LAMC2: variants seen among roughly 807,000 people sequenced by gnomAD.
LAMC2 encodes laminin subunit gamma-2.
In LAMC2, 97 loss-of-function variants were observed where a neutral mutation model predicts 140.2. The ratio of observed to expected loss-of-function variants is 0.69; its 90% CI spans 0.59 to 0.82. The LOEUF (loss-of-function observed/expected upper bound fraction) is 0.82, where lower values mean the gene tolerates loss of function less well. Among genes scored for constraint, LAMC2 ranks in the 40% least tolerant of loss-of-function variants. The probability of loss-of-function intolerance (pLI) is 0.00; values close to 1 mark genes in which losing one functional copy is unlikely to be tolerated. For synonymous variants in LAMC2, 513 were observed against 540.2 expected, an observed-to-expected ratio of 0.95 and a Z score of 0.70; for missense variants, 1,402 against 1,476.1, an observed-to-expected ratio of 0.95 and a Z score of 0.82.
intron 4 of LAMC2, 130 bp from the exon 5 acceptor site, chr1:183,220,695 G>A (rs1458778192): frequency 8.7e-6 from 8 of 924,180 alleles, no homozygotes; most frequent in Non-Finnish European, 1.4e-5. Flanking sequence ...GCAAAATCTG[G>A]TATTTCCCTC....
intron 22 of LAMC2, 110 bp downstream of exon 22, chr1:183,240,501 A>C: frequency 1.3e-6 from 2 of 1,506,832 alleles, no homozygotes; most frequent in Non-Finnish European, 1.8e-6. Context: ...TTCCTTAAGG[A>C]TATCAGTAAA....
chr1:183,201,478 C>T (rs1280214357), intron 1 of LAMC2, among the ~76,000 whole-genome samples: 1 of 152,202 alleles, frequency 6.6e-6, no homozygotes, highest in Non-Finnish European at 1.5e-5. Flanking sequence ...CCCTCCCTAA[C>T]TCCATTTCCC....
rs73049785 is a variant in LAMC2, at chr1:183,235,869, G to T, written c.2456+139G>T. 0.061 allele frequency: 49,875 copies of T among 821,430 alleles called. 2,876 individuals carry two copies. The highest frequency in any genetic ancestry group is 0.23 in the African/African-American group (13,351 of 57,754). The allele number at this position is 821,430 out of a possible 1,614,324, so 50.9% of individuals were successfully genotyped here. A position where few individuals can be genotyped will look rare whatever the true frequency, so the allele number is the denominator to read the frequency against. On this transcript the variant is annotated intron_variant, in intron 16 of 22. Transcript: ENST00000264144. ...TAATAAGAGGGCCGAAATCATGGGAGTTTTACTTTGGGGAAAAGCAGATAT... is the reference window on the plus strand; with the variant it reads ...TAATAAGAGGGCCGAAATCATGGGATTTTTACTTTGGGGAAAAGCAGATAT...
chr1:183,222,042 G>C, intron 5 of LAMC2, 47 bp from the exon 6 acceptor site: 3 of 1,613,332 alleles, frequency 1.9e-6, no homozygotes, highest in Non-Finnish European at 2.5e-6. Context: ...TAACTTAATA[G>C]ATGATGAGGG....
In LAMC2 at chr1:183,228,746, C is replaced by A; in HGVS notation, c.1714+127C>A. The A allele has an allele frequency of 7.8e-7, 1 of 1,278,210 alleles. No homozygotes were observed. The highest frequency in any genetic ancestry group is 1.1e-6 in the Non-Finnish European group (1 of 892,256). 79.2% of individuals were successfully genotyped at this position (1,278,210 alleles called of 1,614,324 possible). On this transcript the variant is annotated intron_variant, in intron 11 of 22. Transcript: ENST00000264144. This position sits in a 1 kb window ranked among gnomAD's most constrained non-coding sequence, Gnocchi z 4.3. ...ACTTTGATTCTCTGACCAAACTGGC[C>A]TGTGAGCACCCTGGGCCTTTCTTCC...
In LAMC2 at chr1:183,186,418, C is replaced by T; in HGVS notation, c.66C>T (p.Thr22=). 1 of 1,604,918 alleles carries T rather than the reference C, an allele frequency of 6.2e-7. No homozygotes were observed. The highest frequency in any genetic ancestry group is 8.5e-7 in the Non-Finnish European group (1 of 1,179,726). Residue 22 remains threonine, a synonymous_variant, in exon 1 of 23, where the codon ACC becomes ACT. Transcript: ENST00000264144. ...TCCTCCTGCCCGCAGCCCGGGCCAC[C>T]TCCAGGAGGGAAGGTGAGTCGGCTT... The part of the protein sequence containing the change: ...FSLLLPAARA[T]SRREVCDCNG...
chr1:183,227,698 G>A lies in LAMC2; in HGVS notation c.1468+1G>A. The A allele has an allele frequency of 6.2e-7, 1 of 1,614,030 alleles. No individual in the cohort carries two copies. Among genetic ancestry groups the A allele is most frequent in the Non-Finnish European group, 8.5e-7 (1 of 1,179,926 alleles). On this transcript the variant is annotated splice_donor_variant, in intron 10 of 22. Coordinates refer to ENST00000264144, the MANE Select transcript of LAMC2 (RefSeq NM_005562.3). LOFTEE classifies it high-confidence loss of function. Reference sequence around the variant, plus strand: ...AATAACTGCCCTCCCGGGGTCACCGGTAAGGCCATGGGTCTGCTCTGCCAC... The same window carrying A: ...AATAACTGCCCTCCCGGGGTCACCGATAAGGCCATGGGTCTGCTCTGCCAC...
intron 20 of LAMC2, 31 bp downstream of exon 20, chr1:183,239,594 C>A: frequency 6.5e-7 from 1 of 1,549,140 alleles, no homozygotes; most frequent in Non-Finnish European, 8.9e-7. Context: ...GTGTTGGTGC[C>A]AGTAGCACCA....
intron 1 of LAMC2, among the ~76,000 whole-genome samples, chr1:183,197,281 CT>C (rs1311504828): frequency 6.6e-6 from 1 of 152,170 alleles, no homozygotes; most frequent in African/African-American, 2.4e-5. Context: ...GATGGAGAAC[CT>C]GTAAGGATAG....
chr1:183,256,580 A>G, the LAMC2 span, among the ~76,000 whole-genome samples: 31 of 152,236 alleles, frequency 2.0e-4, no homozygotes, highest in South Asian at 1.4e-3. Context: ...CTTTCAGTCT[A>G]TTTATGTGAT....
rs771979232 is a variant in LAMC2 at position 183,228,576 on chromosome 1, C to T, written c.1671C>T (p.Tyr557=). The part of the protein sequence containing the change: ...GIYCDQCKAG[Y]FGDPLAPNPA... Reference sequence around the variant, plus strand: ...ACTGCGACCAGTGCAAAGCAGGCTACTTCGGGGACCCATTGGCTCCCAACC... The same window carrying T: ...ACTGCGACCAGTGCAAAGCAGGCTATTTCGGGGACCCATTGGCTCCCAACC... The change falls in exon 11 of 23, where the codon TAC becomes TAT. Residue 557 remains tyrosine, a synonymous_variant. Coordinates refer to ENST00000264144, the MANE Select transcript of LAMC2 (RefSeq NM_005562.3). This position sits in a 1 kb window ranked among gnomAD's most constrained non-coding sequence, Gnocchi z 4.3. 1 of 1,614,100 alleles carries T rather than the reference C, an allele frequency of 6.2e-7. No individual in the cohort carries two copies. Among genetic ancestry groups the T allele is most frequent in the Admixed American group, 1.7e-5 (1 of 60,024 alleles).
intron 22 of LAMC2, among the ~76,000 whole-genome samples, chr1:183,241,937 A>G (rs547194132): frequency 1.4e-4 from 21 of 152,300 alleles, no homozygotes; most frequent in Admixed American, 9.8e-4. Flanking sequence ...GATGGAAGCT[A>G]TTAAACATTT....
chr1:183,258,597 G>T, the LAMC2 span, among the ~76,000 whole-genome samples: 1 of 152,140 alleles, frequency 6.6e-6, no homozygotes, highest in Non-Finnish European at 1.5e-5. Context: ...GGACTAGATT[G>T]ACTTTGTAGG....
chr1:183,206,529 C>T (rs946044272), intron 1 of LAMC2, among the ~76,000 whole-genome samples: 4 of 151,954 alleles, frequency 2.6e-5, no homozygotes, highest in African/African-American at 9.7e-5. Flanking sequence ...CCTATAATCC[C>T]AGCTACTTGG....
chr1:183,243,082 CG>C (rs1660169341), intron 22 of LAMC2, 64 bp from the exon 23 acceptor site: 1 of 1,581,542 alleles, frequency 6.3e-7, no homozygotes, highest in African/African-American at 1.3e-5. Flanking sequence ...TAGAAGGGCA[CG>C]GGTGTTCAAG....
chr1:183,227,359 T>G (rs746388003), intron 9 of LAMC2, among the ~76,000 whole-genome samples, 156 bp from the exon 10 acceptor site: 1 of 152,146 alleles, frequency 6.6e-6, no homozygotes, highest in Non-Finnish European at 1.5e-5. Flanking sequence ...TGTTTAGATT[T>G]GGTTCTATGG....
At chr1:183,231,500 C>T (rs1240003707) in intron 12 of LAMC2, among the ~76,000 whole-genome samples, 1 of 152,142 alleles carries the variant, frequency 6.6e-6, no homozygotes, top group Non-Finnish European at 1.5e-5. Flanking sequence ...CAGGGCTCTT[C>T]CCACTATAAT....
rs925602542 is a variant in LAMC2 at position 183,222,973 on chromosome 1, C to T, written c.764-162C>T. ...AACCCTCCTTCATAGCCCAAAGTGT[C>T]ATAGCCATGTCCAGTACCAGGTCCT... On this transcript the variant is annotated intron_variant, in intron 6 of 22. Coordinates refer to ENST00000264144, the MANE Select transcript of LAMC2 (RefSeq NM_005562.3). Among the ~76,000 whole-genome samples, 4 of 152,194 alleles carry T rather than the reference C, an allele frequency of 2.6e-5. No individual in the cohort carries two copies. In the East Asian group the frequency reaches 5.8e-4, roughly 22 times the overall value.
chr1:183,230,014 A>G (rs1287137071), intron 11 of LAMC2, among the ~76,000 whole-genome samples: 1 of 152,220 alleles, frequency 6.6e-6, no homozygotes, highest in Non-Finnish European at 1.5e-5. Context: ...TATATGTGTG[A>G]TTAATATTTA....
Sources: allele counts gnomAD v4.1 joint callset (sites outside exome capture counted in the v4.1 genomes callset), GRCh38; gene constraint gnomAD v4.1.1; non-coding constraint Gnocchi (gnomAD v3.1); transcripts MANE v1.5; gene names NCBI Gene and HGNC (gene_info 2026-07-23, HGNC 2026-07-21).